Variants in FAM117A observed in about 807,000 individuals in gnomAD.
FAM117A encodes the protein family with sequence similarity 117 member A.
A neutral mutation model predicts 44.1 loss-of-function variants in FAM117A; 21 were observed. That is an observed-to-expected ratio of 0.48 (90% confidence interval 0.34 to 0.69). The LOEUF (loss-of-function observed/expected upper bound fraction) is 0.69, where lower values mean the gene tolerates loss of function less well. FAM117A is among the 30% of genes least tolerant of loss of function. The pLI, the probability that FAM117A is intolerant of heterozygous loss-of-function variation, is 0.01. For synonymous variants in FAM117A, 220 were observed against 238.3 expected (o/e 0.92, Z 0.71); for missense variants, 498 against 589.9 (o/e 0.84, Z 1.61).
chr17:49,742,732 C>T (rs1202201410), intron 1 of FAM117A, among the ~76,000 whole-genome samples: 1 of 152,126 alleles, frequency 6.6e-6, no homozygotes, highest in Non-Finnish European at 1.5e-5. Flanking sequence ...ACTCAAAGGA[C>T]AGGCATAAAC....
intron 1 of FAM117A, among the ~76,000 whole-genome samples, chr17:49,756,643 T>C (rs534374220): frequency 2.0e-5 from 3 of 149,212 alleles, no homozygotes; most frequent in African/African-American, 7.4e-5. Flanking sequence ...AGGCCAGGCG[T>C]GGTGGTTCAC....
intron 1 of FAM117A, among the ~76,000 whole-genome samples, chr17:49,751,770 C>T (rs1402420323): frequency 6.6e-6 from 1 of 150,886 alleles, no homozygotes; most frequent in African/African-American, 2.4e-5. Context: ...TGGTGAAACC[C>T]TGTCTCTACT....
At chr17:49,740,075 C>T (rs752694458) in intron 1 of FAM117A, among the ~76,000 whole-genome samples, 7 of 152,228 alleles carry the variant, frequency 4.6e-5, no homozygotes, top group Non-Finnish European at 8.8e-5. Flanking sequence ...AACTGCTACA[C>T]TAGGATGGCT....
chr17:49,718,354 A>C (rs573901204), intron 5 of FAM117A, among the ~76,000 whole-genome samples: 1 of 152,366 alleles, frequency 6.6e-6, no homozygotes, highest in South Asian at 2.1e-4. Context: ...TTCCCCAATT[A>C]AACTGTGTCA....
intron 2 of FAM117A, among the ~76,000 whole-genome samples, chr17:49,731,543 G>T (rs2073584930): frequency 6.6e-6 from 1 of 152,206 alleles, no homozygotes; most frequent in Non-Finnish European, 1.5e-5. Context: ...TTAATGAAAA[G>T]ACTGTCTTAA....
At chr17:49,754,584 G>T (rs938113285) in intron 1 of FAM117A, among the ~76,000 whole-genome samples, 1 of 151,978 alleles carries the variant, frequency 6.6e-6, no homozygotes, top group Admixed American at 6.5e-5. Flanking sequence ...GATTACAGGC[G>T]TGAGCCACCG....
At chr17:49,788,878 G>A (rs748597328), upstream of FAM117A, 1 of 1,572,470 alleles carries the variant, frequency 6.4e-7, no homozygotes, top group South Asian at 1.1e-5. Context: ...GGGATGGCGG[G>A]TTTCTAAGGA....
At chr17:49,719,932 C>T (rs983527112) in intron 4 of FAM117A, 38 bp from the exon 5 acceptor site, 1 of 1,585,836 alleles carries the variant, frequency 6.3e-7, no homozygotes, top group Non-Finnish European at 8.5e-7. Flanking sequence ...CACACAGCCC[C>T]ACCAGGCCTA....
At chr17:49,745,654 A>C (rs1455376146) in intron 1 of FAM117A, among the ~76,000 whole-genome samples, 1 of 152,232 alleles carries the variant, frequency 6.6e-6, no homozygotes, top group South Asian at 2.1e-4. Context: ...CTTCCCATTT[A>C]CAGGAAATAC....
chr17:49,768,733 G>T (rs937074229), upstream of FAM117A, among the ~76,000 whole-genome samples: 12 of 152,086 alleles, frequency 7.9e-5, no homozygotes, highest in African/African-American at 2.9e-4. Context: ...AGGGAGGGGG[G>T]TCCTAGCCCT....
At chr17:49,725,065 CG>C (rs1276151605) in intron 2 of FAM117A, among the ~76,000 whole-genome samples, 1 of 152,170 alleles carries the variant, frequency 6.6e-6, no homozygotes, top group Non-Finnish European at 1.5e-5. Flanking sequence ...CTTCATCCCA[CG>C]GGCTCTCCAT....
At chr17:49,742,651 CT>C (rs1373260538) in intron 1 of FAM117A, among the ~76,000 whole-genome samples, 4 of 152,056 alleles carry the variant, frequency 2.6e-5, no homozygotes, top group African/African-American at 7.2e-5. Flanking sequence ...AGCCTAGCCC[CT>C]ATCTCTAAAA....
intron 1 of FAM117A, among the ~76,000 whole-genome samples, chr17:49,785,157 C>T (rs1394357018): frequency 6.6e-6 from 1 of 152,220 alleles, no homozygotes; most frequent in African/African-American, 2.4e-5. Context: ...TCCTTACAAC[C>T]TTGTGAGGTG....
intron 1 of FAM117A, among the ~76,000 whole-genome samples, chr17:49,774,363 CT>C (rs71146936): frequency 1.5e-4 from 21 of 144,192 alleles, no homozygotes; most frequent in Non-Finnish European, 1.7e-4. Flanking sequence ...CCAGGCTGGT[CT>C]TTTTTTTTTT....
intron 1 of FAM117A, among the ~76,000 whole-genome samples, chr17:49,763,403 G>A (rs536230590): frequency 2.6e-5 from 4 of 152,106 alleles, no homozygotes; most frequent in Non-Finnish European, 5.9e-5. Flanking sequence ...GAGGGATGCT[G>A]GGGCCAAACT....
chr17:49,724,450 CTAA>C (rs2073549980), intron 2 of FAM117A: 1 of 456,172 alleles, frequency 2.2e-6, no homozygotes, highest in Non-Finnish European at 4.4e-6. Context: ...ACGGGTACTA[CTAA>C]TATCTCTTGC....
At position 49,732,739 on chromosome 17, in the gene FAM117A, C is replaced by T. The variant is rs570058397; in HGVS notation, c.197-19G>A. Reference sequence around the variant, plus strand: ...ACGCTGGCTGCAAGAGAACACAGCCCGCACGCCTTGCCATCAGCATGGAGG... The same window carrying T: ...ACGCTGGCTGCAAGAGAACACAGCCTGCACGCCTTGCCATCAGCATGGAGG... On this transcript the variant is annotated intron_variant, in intron 1 of 7. Transcript: ENST00000240364. The T allele has an allele frequency of 4.4e-6, 7 of 1,608,506 alleles. No individual in the cohort carries two copies. Among genetic ancestry groups the T allele is most frequent in the Non-Finnish European group, 4.2e-6 (5 of 1,177,296 alleles).
chr17:49,727,212 C>G (rs1251501271), intron 2 of FAM117A, among the ~76,000 whole-genome samples: 1 of 151,982 alleles, frequency 6.6e-6, no homozygotes, highest in African/African-American at 2.4e-5. Context: ...TCAAGACCAG[C>G]CTGGTCAACA....
At chr17:49,732,816 C>A in intron 1 of FAM117A, 96 bp from the exon 2 acceptor site, 2 of 1,307,832 alleles carry the variant, frequency 1.5e-6, no homozygotes. Context: ...CCTGCCTGCC[C>A]CGTCTTCACT....
Sources: allele counts gnomAD v4.1 joint callset (sites outside exome capture counted in the v4.1 genomes callset), GRCh38; gene constraint gnomAD v4.1.1; transcripts MANE v1.5; gene names NCBI Gene and HGNC (gene_info 2026-07-23, HGNC 2026-07-21).